The following NDUFA12 variants were observed in gnomAD, a reference collection of about 807,000 sequenced individuals.
NDUFA12 encodes NADH dehydrogenase [ubiquinone] 1 alpha subcomplex subunit 12.
A neutral mutation model predicts 20.3 loss-of-function variants in NDUFA12; 17 were observed. The observed-to-expected ratio is 0.84, with a 90% CI of 0.57 to 1.26. The LOEUF (loss-of-function observed/expected upper bound fraction) is 1.26, where lower values mean the gene tolerates loss of function less well. Ranked by LOEUF, NDUFA12 falls within the 50% of genes most tolerant of loss-of-function variation. The pLI is 0.00. For synonymous variants in NDUFA12, 72 were observed against 63.6 expected (o/e 1.13, Z -0.63); for missense variants, 191 against 183.7 (o/e 1.04, Z -0.23).
chr12:94,976,699 G>T (rs913262367), intron 3 of NDUFA12, among the ~76,000 whole-genome samples: 9 of 152,312 alleles, frequency 5.9e-5, no homozygotes, highest in African/African-American at 2.2e-4. Flanking sequence ...AAGGTCAAAT[G>T]TGTATCAAAA....
chr12:94,981,649 G>C (rs1874243429), intron 3 of NDUFA12, among the ~76,000 whole-genome samples: 1 of 152,102 alleles, frequency 6.6e-6, no homozygotes, highest in Admixed American at 6.6e-5. Flanking sequence ...TTCATTAAGT[G>C]CCTATAAACT....
chr12:94,999,676 C>A (rs767432918), intron 2 of NDUFA12, among the ~76,000 whole-genome samples: 1 of 152,010 alleles, frequency 6.6e-6, no homozygotes, highest in African/African-American at 2.4e-5. Flanking sequence ...CATGAACAGA[C>A]AATTCTCAAA....
At chr12:94,982,118 T>G (rs1004706325) in intron 3 of NDUFA12, among the ~76,000 whole-genome samples, 1 of 152,190 alleles carries the variant, frequency 6.6e-6, no homozygotes, top group Non-Finnish European at 1.5e-5. Context: ...AAGACTATCA[T>G]AGGCCACACT....
intron 2 of NDUFA12, among the ~76,000 whole-genome samples, chr12:94,999,768 C>G (rs1378744946): frequency 1.3e-5 from 2 of 152,142 alleles, no homozygotes; most frequent in East Asian, 3.8e-4. Flanking sequence ...ATTAAAACCA[C>G]AATGAGATAG....
At chr12:94,986,324 T>G (rs958584769) in intron 3 of NDUFA12, among the ~76,000 whole-genome samples, 7 of 151,788 alleles carry the variant, frequency 4.6e-5, no homozygotes, top group African/African-American at 1.7e-4. Flanking sequence ...AAAGAGGAGA[T>G]GTTGATAAAA....
intron 3 of NDUFA12, among the ~76,000 whole-genome samples, chr12:94,979,474 T>A (rs1874165432): frequency 6.6e-6 from 1 of 152,150 alleles, no homozygotes; most frequent in South Asian, 2.1e-4. Flanking sequence ...AAAAATTGCT[T>A]ATAATATTGA....
chr12:94,974,270 G>A (rs1873990104), intron 3 of NDUFA12, among the ~76,000 whole-genome samples: 2 of 151,738 alleles, frequency 1.3e-5, no homozygotes, highest in Admixed American at 1.3e-4. Flanking sequence ...GGTCCACAAG[G>A]AGCAGTAAAA....
At chr12:94,987,495 A>G (rs190045102) in intron 3 of NDUFA12, among the ~76,000 whole-genome samples, 1 of 152,300 alleles carries the variant, frequency 6.6e-6, no homozygotes, top group East Asian at 1.9e-4. Flanking sequence ...GCTGAGTTAA[A>G]GGCACTTGAA....
intron 2 of NDUFA12, among the ~76,000 whole-genome samples, chr12:95,002,277 TA>T (rs200558659): frequency 1.4e-3 from 203 of 150,090 alleles, no homozygotes; most frequent in East Asian, 0.01. Flanking sequence ...CCATCTCTAC[TA>T]AAAAATACAA....
chr12:94,984,714 CAA>C (rs1162774247), intron 3 of NDUFA12, among the ~76,000 whole-genome samples: 1 of 6,850 alleles, frequency 1.5e-4, no homozygotes, highest in Non-Finnish European at 2.6e-4. Context: ...TGCTAATAGC[CAA>C]AAAAAAAAAA....
chr12:94,988,335 A>G (rs1471437018), intron 3 of NDUFA12, among the ~76,000 whole-genome samples: 1 of 152,164 alleles, frequency 6.6e-6, no homozygotes, highest in Non-Finnish European at 1.5e-5. Context: ...TCTTGTTTGC[A>G]AGACGTACAC....
Position 95,003,634 on chromosome 12 carries a change from C to T in NDUFA12, c.47G>A (p.Gly16Asp), listed in dbSNP as rs1875149237. 1 of 1,614,198 alleles carries T rather than the reference C, an allele frequency of 6.2e-7. No homozygotes were observed. The highest frequency in any genetic ancestry group is 1.1e-5 in the South Asian group (1 of 91,082). Residue 16 changes from glycine to aspartate, a missense_variant, in exon 1 of 4, where the codon GGC becomes GAC. By Grantham distance (94) the Gly-to-Asp change is moderately conservative. Transcript: ENST00000327772. ...VLKRGLQQITGHGGLRGYLRV... is the reference protein window; with the variant it reads ...VLKRGLQQITDHGGLRGYLRV... ...TAGATAGCCTCGGAGACCGCCGTGG[C>T]CGGTGATCTGCTGCAGCCCGCGTTT...
At chr12:94,982,554 C>T (rs907688847) in intron 3 of NDUFA12, among the ~76,000 whole-genome samples, 1 of 152,108 alleles carries the variant, frequency 6.6e-6, no homozygotes, top group Non-Finnish European at 1.5e-5. Flanking sequence ...GTGTGTGAGC[C>T]ACCACGCCCG....
chr12:95,003,327 C>T (rs1419981214), intron 1 of NDUFA12, among the ~76,000 whole-genome samples: 1 of 152,156 alleles, frequency 6.6e-6, no homozygotes, highest in Admixed American at 6.5e-5. Context: ...TCTTGTAATC[C>T]TCATTACTCT....
intron 3 of NDUFA12, among the ~76,000 whole-genome samples, chr12:94,987,418 C>T (rs573036089): frequency 1.2e-4 from 19 of 152,264 alleles, no homozygotes; most frequent in Admixed American, 4.6e-4. Context: ...GGACAACTGA[C>T]GAAACCTGAG....
Position 94,999,445 on chromosome 12 carries a change from C to A in NDUFA12, c.169+3294G>T, listed in dbSNP as rs545113556. Among the ~76,000 whole-genome samples the A allele has an allele frequency of 3.9e-5, 6 of 151,952 alleles. No homozygotes were observed. The South Asian group carries it at 1.2e-3, about 32-fold the overall frequency. On this transcript the variant is annotated intron_variant, in intron 2 of 3. Coordinates refer to ENST00000327772, the MANE Select transcript of NDUFA12 (RefSeq NM_018838.5). ...TTAGGCAAGAAGTCATAACTAAGAA[C>A]CCAAATGTAACAAAAACAAAAATAA...
chr12:94,996,069 A>G (rs957583786), intron 2 of NDUFA12, among the ~76,000 whole-genome samples: 1 of 151,560 alleles, frequency 6.6e-6, no homozygotes, highest in Non-Finnish European at 1.5e-5. Flanking sequence ...TTAGCTGGGC[A>G]TGGTGGCACA....
chr12:94,979,202 G>A (rs937257577), intron 3 of NDUFA12, among the ~76,000 whole-genome samples: 1 of 152,010 alleles, frequency 6.6e-6, no homozygotes, highest in South Asian at 2.1e-4. Flanking sequence ...AATAGCTCCT[G>A]TACTCCATCC....
intron 3 of NDUFA12, among the ~76,000 whole-genome samples, chr12:94,990,467 C>T (rs181991225): frequency 5.3e-5 from 8 of 152,214 alleles, no homozygotes; most frequent in Admixed American, 2.0e-4. Context: ...CTGTCACCCA[C>T]GCTGGAGTAC....
Sources: allele counts gnomAD v4.1 joint callset (sites outside exome capture counted in the v4.1 genomes callset), GRCh38; gene constraint gnomAD v4.1.1; transcripts MANE v1.5; gene names NCBI Gene and HGNC (gene_info 2026-07-23, HGNC 2026-07-21).